Variants in SOX6 observed in about 807,000 individuals in gnomAD.
SOX6 encodes the protein transcription factor SOX-6.
A neutral mutation model predicts 97.8 loss-of-function variants in SOX6; 11 were observed. That is an observed-to-expected ratio of 0.11 (90% CI 0.07 to 0.19). The LOEUF is 0.19. SOX6 is among the 10% of genes least tolerant of loss of function. The pLI is 1.00. For missense variants in SOX6, 810 were observed against 1,039.5 expected, an observed-to-expected ratio of 0.78 and a Z score of 3.04; for synonymous variants, 360 against 371.4, an observed-to-expected ratio of 0.97 and a Z score of 0.35.
upstream of SOX6, among the ~76,000 whole-genome samples, chr11:16,477,996 C>T (rs1045075025): frequency 3.9e-5 from 6 of 152,162 alleles, no homozygotes; most frequent in African/African-American, 1.4e-4. Context: ...TCTGGGACAC[C>T]AGACAAGCCT....
At chr11:16,484,275 G>T in intron 4 of SOX6, 1 of 1,109,778 alleles carries the variant, frequency 9.0e-7, no homozygotes, top group Non-Finnish European at 1.4e-6. Flanking sequence ...GTGTCACTGG[G>T]AACCACATTG....
chr11:16,667,146 A>G (rs1847813113), intron 3 of SOX6, among the ~76,000 whole-genome samples: 1 of 151,962 alleles, frequency 6.6e-6, no homozygotes, highest in Admixed American at 6.6e-5. Flanking sequence ...AGGCTGAGGT[A>G]GAAGGATGGT....
At chr11:16,497,506 A>G (rs1860621618) in intron 4 of SOX6, among the ~76,000 whole-genome samples, 1 of 152,168 alleles carries the variant, frequency 6.6e-6, no homozygotes, top group African/African-American at 2.4e-5. Context: ...GCTTCAGACA[A>G]TCAAACTACT....
intron 13 of SOX6, among the ~76,000 whole-genome samples, chr11:16,004,699 G>T (rs1388664323): frequency 1.3e-5 from 2 of 151,898 alleles, no homozygotes; most frequent in African/African-American, 2.4e-5. Flanking sequence ...AAAATTTTCT[G>T]CTTTTTAATG....
chr11:16,584,601 T>C (rs1178760402), intron 4 of SOX6, among the ~76,000 whole-genome samples: 1 of 152,176 alleles, frequency 6.6e-6, no homozygotes, highest in East Asian at 1.9e-4. Context: ...TTACCTATTG[T>C]CATGAGGCAA....
rs141924217 is a variant in SOX6 at position 15,978,023 on chromosome 11, G to A, written c.2184-4911C>T. On this transcript the variant is annotated intron_variant, in intron 15 of 15. Transcript: ENST00000683767. ...GAATCAGTTCATAATCCAATATAAG[G>A]CTAACCCCTCTGCTTGTGCACTGAA... 3.9e-4 allele frequency among the ~76,000 whole-genome samples: 60 copies of A among 151,910 alleles called. 2 individuals are homozygous for A. In the East Asian group the frequency reaches 0.011, roughly 28 times the overall value.
At chr11:16,374,008 T>C (rs1857578076) in intron 1 of SOX6, among the ~76,000 whole-genome samples, 1 of 152,044 alleles carries the variant, frequency 6.6e-6, no homozygotes, top group African/African-American at 2.4e-5. Flanking sequence ...TAATAAATAC[T>C]CAAGGCTGTA....
intron 4 of SOX6, among the ~76,000 whole-genome samples, chr11:16,198,901 A>T (rs1418429696): frequency 2.0e-5 from 3 of 152,112 alleles, no homozygotes; most frequent in African/African-American, 7.2e-5. Context: ...TACCGAGAAA[A>T]CTGGTGGAGA....
intron 3 of SOX6, among the ~76,000 whole-genome samples, chr11:16,668,107 C>T (rs2134022690): frequency 6.6e-6 from 1 of 152,302 alleles, no homozygotes; most frequent in Non-Finnish European, 1.5e-5. Flanking sequence ...AGCGTGGTGG[C>T]TCACGTCTGT....
At chr11:16,662,606 C>G (rs1847774004) in intron 3 of SOX6, among the ~76,000 whole-genome samples, 1 of 151,902 alleles carries the variant, frequency 6.6e-6, no homozygotes, top group Non-Finnish European at 1.5e-5. Flanking sequence ...ATCAATGATA[C>G]CATATTAGCA....
At chr11:16,450,560 A>T (rs1439135450) in intron 1 of SOX6, among the ~76,000 whole-genome samples, 2 of 152,198 alleles carry the variant, frequency 1.3e-5, no homozygotes, top group African/African-American at 4.8e-5. Context: ...TACAACTACA[A>T]GTCGGTCCAT....
At chr11:16,486,464 G>A (rs939239420) in intron 4 of SOX6, among the ~76,000 whole-genome samples, 13 of 151,848 alleles carry the variant, frequency 8.6e-5, no homozygotes, top group Non-Finnish European at 4.4e-5. Flanking sequence ...TTTTTAAAAA[G>A]GCAAAGAGGG....
intron 4 of SOX6, among the ~76,000 whole-genome samples, chr11:16,545,496 T>C (rs927340446): frequency 6.6e-6 from 1 of 152,158 alleles, no homozygotes; most frequent in South Asian, 2.1e-4. Context: ...AAGCCACAGA[T>C]AACATCATTC....
chr11:16,066,955 C>T (rs1447498297), intron 9 of SOX6, among the ~76,000 whole-genome samples: 1 of 151,902 alleles, frequency 6.6e-6, no homozygotes, highest in Non-Finnish European at 1.5e-5. Context: ...ATTTGACTGC[C>T]CTGCTGGATT....
intron 10 of SOX6, 95 bp downstream of exon 10, chr11:16,055,657 T>C (rs1175161742): frequency 6.7e-7 from 1 of 1,499,830 alleles, no homozygotes; most frequent in Non-Finnish European, 9.2e-7. Flanking sequence ...TGTTGCTATG[T>C]TTCCTGCTGT....
intron 3 of SOX6, among the ~76,000 whole-genome samples, chr11:16,675,293 G>A (rs908947195): frequency 1.4e-4 from 22 of 152,112 alleles, no homozygotes; most frequent in African/African-American, 5.3e-4. Flanking sequence ...GGGACTACAG[G>A]CATGTGCCAC....
chr11:15,973,600 A>G (rs1853380059), intron 15 of SOX6, among the ~76,000 whole-genome samples: 1 of 152,212 alleles, frequency 6.6e-6, no homozygotes, highest in Non-Finnish European at 1.5e-5. Context: ...TGTCCCAAAG[A>G]GTGAGATTCA....
intron 1 of SOX6, among the ~76,000 whole-genome samples, chr11:16,384,683 C>T (rs1210669631): frequency 6.6e-6 from 1 of 151,870 alleles, no homozygotes; most frequent in Non-Finnish European, 1.5e-5. Context: ...AAGGGAAATG[C>T]ACCTTTTTAC....
At position 16,170,901 on chromosome 11, in the gene SOX6, C is replaced by T. The variant is rs949664209; in HGVS notation, c.777+12985G>A. On this transcript the variant is annotated intron_variant, in intron 6 of 15. Coordinates refer to ENST00000683767, the MANE Select transcript of SOX6 (RefSeq NM_001367873.1). ...CATTTCCCACCTATTTCTCCCCCTACGGAAAAACATGAAGGCTATGGGAAA... is the reference window on the plus strand; with the variant it reads ...CATTTCCCACCTATTTCTCCCCCTATGGAAAAACATGAAGGCTATGGGAAA... Among the ~76,000 whole-genome samples, 10 of 151,874 alleles carry T rather than the reference C, an allele frequency of 6.6e-5. No individual in the cohort carries two copies. The South Asian group carries it at 8.3e-4, about 13-fold the overall frequency.
Sources: allele counts gnomAD v4.1 joint callset (sites outside exome capture counted in the v4.1 genomes callset), GRCh38; gene constraint gnomAD v4.1.1; transcripts MANE v1.5; gene names NCBI Gene and HGNC (gene_info 2026-07-23, HGNC 2026-07-21).